ZNF773: variants seen among roughly 807,000 people sequenced by gnomAD.
ZNF773 encodes the protein zinc finger protein 419B.
A neutral mutation model predicts 12.8 loss-of-function variants in ZNF773; 11 were observed. That is an observed-to-expected ratio of 0.86 (90% CI 0.54 to 1.42). ZNF773 has a LOEUF of 1.42. ZNF773 is among the 40% of genes most tolerant of loss of function. The probability of loss-of-function intolerance (pLI) is 0.00; values close to 1 mark genes in which losing one functional copy is unlikely to be tolerated. For missense variants in ZNF773, 518 were observed against 527.2 expected (o/e 0.98, Z 0.17); for synonymous variants, 175 against 178.4 (o/e 0.98, Z 0.15).
chr19:57,509,095 T>C (rs559257351), downstream of ZNF773, among the ~76,000 whole-genome samples: 5 of 152,314 alleles, frequency 3.3e-5, no homozygotes, highest in East Asian at 9.6e-4. Flanking sequence ...CCACCATGCT[T>C]GGCCTTGTTT....
chr19:57,500,035 G>T lies in ZNF773; in HGVS notation c.-46G>T. On this transcript the variant is annotated 5_prime_UTR_variant, in exon 1 of 4. Coordinates refer to ENST00000282292, the MANE Select transcript of ZNF773 (RefSeq NM_198542.3). ...GAGGCTCGGTGGCGGCGCCCAGGGT[G>T]GCCCGGGCCCTTTCCTCGGTCGTTG... 6.5e-7 allele frequency: 1 copy of T among 1,548,646 alleles called. No homozygotes were observed.
downstream of ZNF773, chr19:57,514,742 C>T (rs183634875): frequency 6.6e-6 from 1 of 152,324 alleles, no homozygotes; most frequent in Non-Finnish European, 1.5e-5. Flanking sequence ...AATTATTGTT[C>T]CCTTGGATTC....
Position 57,502,386 on chromosome 19 carries a change from G to A in ZNF773, c.34-2271G>A, listed in dbSNP as rs2089680381. The stretch of plus-strand genomic sequence containing the variant: ...GCAACCTTAGATCTCCATTATGACT[G>A]GGGGAAGCATCAGCAGGTATAAGGC... On this transcript the variant is annotated intron_variant, in intron 1 of 3. Transcript: ENST00000282292. Among the ~76,000 whole-genome samples, 2 of 152,228 alleles carry A rather than the reference G, an allele frequency of 1.3e-5. 1 individual carries two copies. The highest frequency in any genetic ancestry group is 1.3e-4 in the Admixed American group (2 of 15,282).
chr19:57,503,758 AGCTGTTCTCCT>A (rs1160824552), intron 1 of ZNF773, among the ~76,000 whole-genome samples: 2 of 151,774 alleles, frequency 1.3e-5, no homozygotes, highest in African/African-American at 4.8e-5. Flanking sequence ...CCCGGGTTCA[AGCTGTTCTCCT>A]GCCTCAGCCT....
chr19:57,508,866 T>G (rs1212283473), downstream of ZNF773, among the ~76,000 whole-genome samples: 1 of 152,188 alleles, frequency 6.6e-6, no homozygotes, highest in Non-Finnish European at 1.5e-5. Context: ...TTTGCCTGTT[T>G]TTTTAAAATA....
intron 1 of ZNF773, among the ~76,000 whole-genome samples, chr19:57,504,326 G>A (rs2089702553): frequency 6.6e-6 from 1 of 152,114 alleles, no homozygotes. Flanking sequence ...ATGTCCCCAG[G>A]GACCTTGTAT....
chr19:57,511,596 T>C (rs943283832), downstream of ZNF773, among the ~76,000 whole-genome samples: 1 of 152,104 alleles, frequency 6.6e-6, no homozygotes, highest in East Asian at 1.9e-4. Context: ...AAACTTACCA[T>C]ATAGCTTAGG....
In ZNF773 at chr19:57,504,734, G is replaced by T. The variant is rs374206741; in HGVS notation, c.111G>T (p.Arg37Ser). 27 of 1,613,784 alleles carry T rather than the reference G, an allele frequency of 1.7e-5. No individual in the cohort carries two copies. The highest frequency in any genetic ancestry group is 4.5e-5 in the East Asian group (2 of 44,834). The change falls in exon 2 of 4, where the codon AGG becomes AGT. Residue 37 changes from arginine to serine, a missense_variant. Transcript: ENST00000282292. Reference protein sequence around the residue: ...EEWRLLDDAQRLLYRNVMLEN... With the variant: ...EEWRLLDDAQSLLYRNVMLEN... The stretch of plus-strand genomic sequence containing the variant: ...GGAGATTGCTTGATGACGCTCAGAG[G>T]CTCCTCTACCGCAATGTGATGCTGG...
chr19:57,505,081 G>T (rs1412496179), intron 2 of ZNF773: 1 of 709,268 alleles, frequency 1.4e-6, no homozygotes, highest in African/African-American at 1.7e-5. Context: ...ATCTGTGGTA[G>T]TTCTATTCCC....
At chr19:57,510,424 C>T (rs993947034), downstream of ZNF773, among the ~76,000 whole-genome samples, 1 of 152,152 alleles carries the variant, frequency 6.6e-6, no homozygotes, top group African/African-American at 2.4e-5. Context: ...GCTAACAGCA[C>T]ATTTGATATA....
downstream of ZNF773, among the ~76,000 whole-genome samples, chr19:57,509,222 T>C (rs2089777671): frequency 1.3e-5 from 2 of 152,362 alleles, no homozygotes; most frequent in South Asian, 2.1e-4. Flanking sequence ...TACTATACCA[T>C]ATCTTTGCCT....
chr19:57,510,118 G>A (rs2089783399), downstream of ZNF773, among the ~76,000 whole-genome samples: 1 of 152,128 alleles, frequency 6.6e-6, no homozygotes, highest in Non-Finnish European at 1.5e-5. Context: ...TTGTTGTAAA[G>A]CCTTTTTAAA....
chr19:57,510,139 C>G (rs959369643), downstream of ZNF773, among the ~76,000 whole-genome samples: 5 of 152,194 alleles, frequency 3.3e-5, no homozygotes, highest in African/African-American at 9.6e-5. Context: ...TAAACTTGCA[C>G]TCATGCTAAA....
In ZNF773 at chr19:57,507,108, A is replaced by G. The variant is rs779575807; in HGVS notation, c.1013A>G (p.Lys338Arg). 1 of 1,613,874 alleles carries G rather than the reference A, an allele frequency of 6.2e-7. No individual in the cohort carries two copies. The highest frequency in any genetic ancestry group is 8.5e-7 in the Non-Finnish European group (1 of 1,179,966). The change falls in exon 4 of 4, where the codon AAA (lysine) becomes AGA (arginine). Residue 338 changes from lysine (K) to arginine (R), a missense_variant. By Grantham distance (26) the Lys-to-Arg change is conservative. Transcript: ENST00000282292. ...CCTTATAAGTGCAGTGAATGTGGAA[A>G]ATTCTATAGCCACAAGTCCAGCCTT... ...ERPYKCSECG[K>R]FYSHKSSLIN...
chr19:57,504,349 G>A (rs1055184035), intron 1 of ZNF773, among the ~76,000 whole-genome samples: 13 of 152,158 alleles, frequency 8.5e-5, no homozygotes, highest in Non-Finnish European at 1.8e-4. Context: ...GGTGCTTCAG[G>A]GAGAACACTG....
At position 57,506,482 on chromosome 19, in the gene ZNF773, G is replaced by C. The variant is rs1412953431; in HGVS notation, c.387G>C (p.Glu129Asp). Residue 129 changes from glutamate to aspartate, a missense_variant, in exon 4 of 4, where the codon GAG (glutamate) becomes GAC (aspartate). Coordinates refer to ENST00000282292, the MANE Select transcript of ZNF773 (RefSeq NM_198542.3). ...GAGAGAAACCCTTAAAAAGACAAGA[G>C]GGCAGGGTCCCAGTTTTGAGGAGTT... ...HCGEKPLKRQ[E>D]GRVPVLRSCR... 2 of 1,614,196 alleles carry C rather than the reference G, an allele frequency of 1.2e-6. No individual in the cohort carries two copies. The highest frequency in any genetic ancestry group is 1.7e-6 in the Non-Finnish European group (2 of 1,180,034).
chr19:57,505,962 G>A (rs1187534986), intron 3 of ZNF773, among the ~76,000 whole-genome samples: 1 of 152,090 alleles, frequency 6.6e-6, no homozygotes, highest in African/African-American at 2.4e-5. Context: ...GCCCGCCTTG[G>A]CCTCCGAAAG....
chr19:57,500,889 G>A lies in ZNF773; in HGVS notation c.33+776G>A, dbSNP rs574475183. Among the ~76,000 whole-genome samples, 3 of 152,302 alleles carry A rather than the reference G, an allele frequency of 2.0e-5. No homozygotes were observed. In the East Asian group the frequency reaches 5.8e-4, roughly 29 times the overall value. ...TTTTCTTTCAGATGGTCCCTGAGGTGAGGGAAGGGAGAGATGGGCCTGTAG... is the reference window on the plus strand; with the variant it reads ...TTTTCTTTCAGATGGTCCCTGAGGTAAGGGAAGGGAGAGATGGGCCTGTAG... On this transcript the variant is annotated intron_variant, in intron 1 of 3. Transcript: ENST00000282292.
intron 1 of ZNF773, among the ~76,000 whole-genome samples, chr19:57,503,956 C>T (rs1409070249): frequency 6.6e-6 from 1 of 152,150 alleles, no homozygotes; most frequent in Non-Finnish European, 1.5e-5. Flanking sequence ...CCATGCCTGT[C>T]CTGGCCTTCG....
Sources: gnomAD v4.1 joint callset for allele counts (sites outside exome capture counted in the v4.1 genomes callset) on GRCh38, gnomAD v4.1.1 for gene constraint, MANE v1.5 for transcripts, NCBI Gene and HGNC (gene_info 2026-07-23, HGNC 2026-07-21) for gene names.